Variants in SIPA1L1 observed in about 807,000 individuals in gnomAD.
SIPA1L1 encodes signal-induced proliferation-associated 1-like protein 1.
SIPA1L1 carries 26 observed loss-of-function variants against 162.7 expected under a neutral mutation model. The ratio of observed to expected loss-of-function variants is 0.16; its 90% CI spans 0.12 to 0.22. The LOEUF (loss-of-function observed/expected upper bound fraction) is 0.22. Ranked by LOEUF, SIPA1L1 falls within the 10% of genes least tolerant of loss-of-function variation. The probability of loss-of-function intolerance (pLI) is 1.00; values close to 1 mark genes in which losing one functional copy is unlikely to be tolerated. For synonymous variants in SIPA1L1, 829 were observed against 837.4 expected, an observed-to-expected ratio of 0.99 and a Z score of 0.17; for missense variants, 1,874 against 2,241.0, an observed-to-expected ratio of 0.84 and a Z score of 3.31.
chr14:71,728,889 G>T (rs10133626), intron 19 of SIPA1L1, among the ~76,000 whole-genome samples: 97,265 of 152,096 alleles, frequency 0.64, 32,123 homozygotes, highest in East Asian at 0.95. Context: ...TCAGTGAAGA[G>T]ATACTCAGAA....
At chr14:71,531,658 A>C (rs1310902801) in intron 4 of SIPA1L1, among the ~76,000 whole-genome samples, 1 of 152,036 alleles carries the variant, frequency 6.6e-6, no homozygotes, top group African/African-American at 2.4e-5. Flanking sequence ...TCGACCTCCC[A>C]GGCTCAAGTG....
At chr14:71,677,880 T>C (rs1566630804) in intron 12 of SIPA1L1, among the ~76,000 whole-genome samples, 1 of 152,230 alleles carries the variant, frequency 6.6e-6, no homozygotes, top group Non-Finnish European at 1.5e-5. Context: ...ACTGTAGCCT[T>C]GTAGTATAGT....
At chr14:71,447,741 A>AT (rs536412724) in intron 2 of SIPA1L1, among the ~76,000 whole-genome samples, 1 of 150,612 alleles carries the variant, frequency 6.6e-6, no homozygotes, top group African/African-American at 2.4e-5. Context: ...TTTTTTTTGT[A>AT]TTTTTTTAGT....
At chr14:71,457,699 A>G (rs1255972060) in intron 2 of SIPA1L1, among the ~76,000 whole-genome samples, 4 of 151,904 alleles carry the variant, frequency 2.6e-5, no homozygotes, top group East Asian at 1.9e-4. Flanking sequence ...GGTTCAATCA[A>G]TTCTCCTGCC....
chr14:71,686,162 G>A (rs1352426633), intron 13 of SIPA1L1, among the ~76,000 whole-genome samples: 2 of 152,224 alleles, frequency 1.3e-5, no homozygotes, highest in African/African-American at 2.4e-5. Context: ...GATACGTGGA[G>A]ATACGTTAAA....
At chr14:71,735,500 A>C in intron 22 of SIPA1L1, 109 bp downstream of exon 22, 1 of 731,788 alleles carries the variant, frequency 1.4e-6, no homozygotes. Context: ...AGTGAAGCTG[A>C]TCACTGCAGG....
At chr14:71,542,732 C>CCTT (rs1228761256) in intron 4 of SIPA1L1, among the ~76,000 whole-genome samples, 8 of 137,980 alleles carry the variant, frequency 5.8e-5, no homozygotes, top group African/African-American at 1.1e-4. Flanking sequence ...TCCTCCTCCT[C>CCTT]CTTCTTCTCT....
intron 4 of SIPA1L1, among the ~76,000 whole-genome samples, chr14:71,529,658 C>G (rs1455720870): frequency 6.6e-6 from 1 of 152,204 alleles, no homozygotes; most frequent in Non-Finnish European, 1.5e-5. Context: ...TGCGTTGCAT[C>G]TATTCCTCAT....
At chr14:71,333,764 A>G (rs958330151) in intron 2 of SIPA1L1, among the ~76,000 whole-genome samples, 1 of 152,228 alleles carries the variant, frequency 6.6e-6, no homozygotes, top group African/African-American at 2.4e-5. Flanking sequence ...TTGGTCTGAC[A>G]TCTTTAAAGA....
intron 2 of SIPA1L1, among the ~76,000 whole-genome samples, chr14:71,350,696 T>C (rs2036614596): frequency 6.6e-6 from 1 of 152,090 alleles, no homozygotes; most frequent in Admixed American, 6.5e-5. Context: ...TGGTCCTAAG[T>C]CCCCCAGAGG....
chr14:71,534,062 A>AAAAAAT (rs560499552), intron 4 of SIPA1L1, among the ~76,000 whole-genome samples: 1,817 of 151,596 alleles, frequency 0.012, 21 homozygotes, highest in African/African-American at 0.021. Context: ...CCATCTCTAC[A>AAAAAAT]AAAAATAAAA....
chr14:71,461,555 G>A (rs1417434734), intron 2 of SIPA1L1, among the ~76,000 whole-genome samples: 1 of 152,184 alleles, frequency 6.6e-6, no homozygotes, highest in African/African-American at 2.4e-5. Context: ...TGACCACTCA[G>A]AGGGGTCCAT....
At chr14:71,443,539 ATT>A (rs2045094295) in intron 2 of SIPA1L1, among the ~76,000 whole-genome samples, 2 of 152,178 alleles carry the variant, frequency 1.3e-5, no homozygotes. Flanking sequence ...TGTTGCCAGT[ATT>A]TAATGTACTT....
intron 4 of SIPA1L1, chr14:71,586,248 C>T (rs371212607): frequency 1.4e-5 from 2 of 141,650 alleles, no homozygotes; most frequent in African/African-American, 5.3e-5. Flanking sequence ...TTTTTTGAAA[C>T]ACCCCTACAT....
intron 4 of SIPA1L1, among the ~76,000 whole-genome samples, chr14:71,584,586 G>A (rs1459915356): frequency 6.6e-6 from 1 of 152,210 alleles, no homozygotes; most frequent in Admixed American, 6.5e-5. Context: ...GGGGTGATTT[G>A]GATGAGAGGA....
At chr14:71,341,711 G>C (rs1227996979) in intron 2 of SIPA1L1, among the ~76,000 whole-genome samples, 15 of 152,094 alleles carry the variant, frequency 9.9e-5, no homozygotes, top group African/African-American at 2.4e-5. Context: ...ATGTCCGTGA[G>C]TACCCAGCGT....
chr14:71,454,994 T>C (rs1323145734), intron 2 of SIPA1L1, among the ~76,000 whole-genome samples: 1 of 152,222 alleles, frequency 6.6e-6, no homozygotes, highest in Non-Finnish European at 1.5e-5. Context: ...TATTGCCTTA[T>C]TAATATTTGA....
intron 2 of SIPA1L1, among the ~76,000 whole-genome samples, chr14:71,413,200 T>G (rs1386565931): frequency 6.6e-6 from 1 of 152,230 alleles, no homozygotes; most frequent in Non-Finnish European, 1.5e-5. Flanking sequence ...TGTTGCAAGA[T>G]GTCACCTGTG....
intron 20 of SIPA1L1, 48 bp from the exon 21 acceptor site, chr14:71,733,618 C>A: frequency 6.3e-7 from 1 of 1,590,406 alleles, no homozygotes; most frequent in Non-Finnish European, 8.6e-7. Flanking sequence ...TTTTGAGTGG[C>A]TCTTCCACAG....
Sources: allele counts gnomAD v4.1 joint callset (sites outside exome capture counted in the v4.1 genomes callset), GRCh38; gene constraint gnomAD v4.1.1; transcripts MANE v1.5; gene names NCBI Gene and HGNC (gene_info 2026-07-23, HGNC 2026-07-21).